The following PTCD3 variants were observed in gnomAD, a reference collection of about 807,000 sequenced individuals.
The protein encoded by PTCD3 is small ribosomal subunit protein mS39.
In PTCD3, 89 loss-of-function variants were observed where a neutral mutation model predicts 101.9. That is an observed-to-expected ratio of 0.87 (90% CI 0.74 to 1.04). The LOEUF (loss-of-function observed/expected upper bound fraction) is 1.04, where lower values mean the gene tolerates loss of function less well. Among genes scored for constraint, PTCD3 ranks in the 50% least tolerant of loss-of-function variants. The probability of loss-of-function intolerance (pLI) is 0.00; values close to 1 mark genes in which losing one functional copy is unlikely to be tolerated. For synonymous variants in PTCD3, 296 were observed against 278.5 expected (o/e 1.06, Z -0.63); for missense variants, 870 against 828.2 (o/e 1.05, Z -0.62).
At chr2:86,121,799 A>C (rs1391882882) in intron 8 of PTCD3, among the ~76,000 whole-genome samples, 1 of 152,248 alleles carries the variant, frequency 6.6e-6, no homozygotes, top group Non-Finnish European at 1.5e-5. Flanking sequence ...ACTTTTTAAC[A>C]ATATGTTGTC....
At chr2:86,109,134 G>C (rs935380971) in intron 3 of PTCD3, among the ~76,000 whole-genome samples, 1 of 152,184 alleles carries the variant, frequency 6.6e-6, no homozygotes, top group Non-Finnish European at 1.5e-5. Flanking sequence ...CGCCAGGCGC[G>C]GTGGCTTACG....
chr2:86,110,411 C>G (rs1674055784), intron 3 of PTCD3, among the ~76,000 whole-genome samples: 1 of 152,120 alleles, frequency 6.6e-6, no homozygotes, highest in South Asian at 2.1e-4. Context: ...TAGAAAAATA[C>G]TCTTGGTATA....
In PTCD3 at chr2:86,140,723, G is replaced by C. The variant is rs546050627; in HGVS notation, c.*3164G>C. 1 of 152,116 alleles carries C rather than the reference G, an allele frequency of 6.6e-6. No individual in the cohort carries two copies. The highest frequency in any genetic ancestry group is 1.9e-4 in the East Asian group (1 of 5,174). 9.4% of individuals were successfully genotyped at this position (152,116 alleles called of 1,614,324 possible). A position where few individuals can be genotyped will look rare whatever the true frequency, so the allele number is the denominator to read the frequency against. On this transcript the variant is annotated 3_prime_UTR_variant, in exon 24 of 24. Coordinates refer to ENST00000254630, the MANE Select transcript of PTCD3 (RefSeq NM_017952.6). ...AATTTGCTAGGACATGGGATAATCAGATTACACAAAATCTAGGCAGTGAAC... is the reference window on the plus strand; with the variant it reads ...AATTTGCTAGGACATGGGATAATCACATTACACAAAATCTAGGCAGTGAAC...
chr2:86,134,833 T>G lies in PTCD3; in HGVS notation c.1630-6T>G, dbSNP rs781665801. On this transcript the variant is annotated splice_region_variant and splice_polypyrimidine_tract_variant and intron_variant, in intron 20 of 23. Coordinates refer to ENST00000254630, the MANE Select transcript of PTCD3 (RefSeq NM_017952.6). ...AGGCAGTTCTGCTGACTCCTAAGCT[T>G]CTCAGCTTCAGGTGGCATTTGCTGA... 2 of 1,613,986 alleles carry G rather than the reference T, an allele frequency of 1.2e-6. No homozygotes were observed. The highest frequency in any genetic ancestry group is 3.3e-5 in the Admixed American group (2 of 60,022).
rs747843763 is a variant in PTCD3 at position 86,121,942 on chromosome 2, G to A, written c.654+348G>A. ...CCTGGGCCCCCTCAAAAATTCATAC[G>A]TGGACTTAGAGGAGAGAACACACTA... On this transcript the variant is annotated intron_variant, in intron 8 of 23. Coordinates refer to ENST00000254630, the MANE Select transcript of PTCD3 (RefSeq NM_017952.6). Among the ~76,000 whole-genome samples, 12 of 152,284 alleles carry A rather than the reference G, an allele frequency of 7.9e-5. No homozygotes were observed. The East Asian group carries it at 1.2e-3, about 15-fold the overall frequency.
intron 7 of PTCD3, among the ~76,000 whole-genome samples, chr2:86,119,822 C>A (rs936356333): frequency 6.6e-6 from 1 of 152,194 alleles, no homozygotes; most frequent in Non-Finnish European, 1.5e-5. Flanking sequence ...CTCAAAACTT[C>A]TAGCTCTAAA....
intron 1 of PTCD3, chr2:86,107,017 C>T (rs774556231): frequency 1.9e-5 from 8 of 417,100 alleles, no homozygotes; most frequent in Middle Eastern, 7.0e-4. Flanking sequence ...GACAGATTTC[C>T]TCATCTGCAG....
At position 86,134,359 on chromosome 2, in the gene PTCD3, G is replaced by T. The variant is rs778977632; in HGVS notation, c.1611G>T (p.Arg537Ser). 6.2e-7 allele frequency: 1 copy of T among 1,612,872 alleles called. No individual in the cohort carries two copies. Among genetic ancestry groups the T allele is most frequent in the East Asian group, 2.2e-5 (1 of 44,876 alleles). ...AAGAGATCCTGATGCTCATGGCAAG[G>T]GACAAGCACCCACCAGAGGTAGGCC... The part of the protein sequence containing the change: ...LREEILMLMA[R>S]DKHPPELQVA... Residue 537 changes from arginine (R) to serine (S), a missense_variant, in exon 20 of 24, where the codon AGG (arginine) becomes AGT (serine). Arg to Ser is a moderately radical substitution (Grantham distance 110). Coordinates refer to ENST00000254630, the MANE Select transcript of PTCD3 (RefSeq NM_017952.6).
chr2:86,111,065 G>A (rs372823595), intron 3 of PTCD3, 48 bp from the exon 4 acceptor site: 12 of 1,536,392 alleles, frequency 7.8e-6, no homozygotes, highest in Non-Finnish European at 1.1e-5. Flanking sequence ...TTCGGTTTGT[G>A]GCTATGAAGA....
chr2:86,134,665 A>G (rs946398239), intron 20 of PTCD3, among the ~76,000 whole-genome samples, 174 bp from the exon 21 acceptor site: 3 of 152,254 alleles, frequency 2.0e-5, no homozygotes, highest in African/African-American at 7.2e-5. Context: ...GTTGTGGCTA[A>G]TCAAAATACT....
In PTCD3 at chr2:86,134,278, T is replaced by G; in HGVS notation, c.1544-14T>G. 1 of 1,580,732 alleles carries G rather than the reference T, an allele frequency of 6.3e-7. No individual in the cohort carries two copies. The highest frequency in any genetic ancestry group is 8.7e-7 in the Non-Finnish European group (1 of 1,150,328). The stretch of plus-strand genomic sequence containing the variant: ...CATAACAATGATCACTCCTTGTTCC[T>G]TTCTTGTTTCAAGATAGTAAAGAAT... On this transcript the variant is annotated splice_polypyrimidine_tract_variant and intron_variant, in intron 19 of 23. Transcript: ENST00000254630.
At chr2:86,106,755 A>G (rs1462775439) in intron 1 of PTCD3, among the ~76,000 whole-genome samples, 1 of 152,228 alleles carries the variant, frequency 6.6e-6, no homozygotes, top group Non-Finnish European at 1.5e-5. Context: ...TCTGGTCGCC[A>G]CCGTGGGGAC....
rs1344106722 is a variant in PTCD3 at position 86,119,138 on chromosome 2, C to T, written c.538+94C>T. 8.8e-6 allele frequency: 13 copies of T among 1,469,342 alleles called. No individual in the cohort carries two copies. In the African/African-American group the frequency reaches 1.4e-4, roughly 16 times the overall value. 91.0% of individuals were successfully genotyped at this position (1,469,342 alleles called of 1,614,324 possible). On this transcript the variant is annotated intron_variant, in intron 7 of 23. Coordinates refer to ENST00000254630, the MANE Select transcript of PTCD3 (RefSeq NM_017952.6). Reference sequence around the variant, plus strand: ...TATATTTTGAGTAAGAGTTACAGGTCCTGCTGTACTTACTCTGCTTTGATG... The same window carrying T: ...TATATTTTGAGTAAGAGTTACAGGTTCTGCTGTACTTACTCTGCTTTGATG...
At chr2:86,119,190 T>C in intron 7 of PTCD3, 146 bp downstream of exon 7, 4 of 1,027,734 alleles carry the variant, frequency 3.9e-6, no homozygotes, top group Non-Finnish European at 5.5e-6. Flanking sequence ...TTTTAGTAGT[T>C]TATTTCATTT....
Position 86,139,118 on chromosome 2 carries a change from CAT to C in PTCD3, c.*1561_*1562del, listed in dbSNP as rs1373038903. ...ACTCTGAGCAATTAACTGCCTTGAA[CAT>C]AGAGAAAAATTAAGGCCTCACAGGA... On this transcript the variant is annotated 3_prime_UTR_variant, in exon 24 of 24. Transcript: ENST00000254630. 2.0e-5 allele frequency: 3 copies of C among 152,208 alleles called. No individual in the cohort carries two copies. Among genetic ancestry groups the C allele is most frequent in the Non-Finnish European group, 4.4e-5 (3 of 68,050 alleles). The allele number at this position is 152,208 out of a possible 1,614,324, so 9.4% of individuals were successfully genotyped here. A position where few individuals can be genotyped will look rare whatever the true frequency, so the allele number is the denominator to read the frequency against.
intron 21 of PTCD3, 33 bp from the exon 22 acceptor site, chr2:86,136,488 T>C (rs753094888): frequency 5.1e-6 from 8 of 1,578,988 alleles, no homozygotes; most frequent in Non-Finnish European, 7.0e-6. Flanking sequence ...GTTTTTCTAA[T>C]AGTATTCATA....
chr2:86,132,293 A>G (rs531447793), intron 16 of PTCD3, 25 bp from the exon 17 acceptor site: 1 of 1,402,736 alleles, frequency 7.1e-7, no homozygotes, highest in East Asian at 2.3e-5. Flanking sequence ...TATCAGAGTG[A>G]TACTTACTAC....
intron 4 of PTCD3, among the ~76,000 whole-genome samples, chr2:86,112,868 C>G (rs752260061): frequency 6.6e-6 from 1 of 151,946 alleles, no homozygotes; most frequent in Non-Finnish European, 1.5e-5. Flanking sequence ...GATCTTTAAT[C>G]CCTGGAAGGG....
Position 86,112,846 on chromosome 2 carries a change from T to C in PTCD3, c.240+1688T>C, listed in dbSNP as rs529242510. Among the ~76,000 whole-genome samples the C allele has an allele frequency of 2.6e-5, 4 of 152,316 alleles. No homozygotes were observed. In the East Asian group the frequency reaches 5.8e-4, roughly 22 times the overall value. On this transcript the variant is annotated intron_variant, in intron 4 of 23. Transcript: ENST00000254630. ...TTTATCTCGAAATGCAGTGTTTTTC[T>C]ACCATACCAGTGATCTTTAATCCCT...
Sources: gnomAD v4.1 joint callset for allele counts (sites outside exome capture counted in the v4.1 genomes callset) on GRCh38, gnomAD v4.1.1 for gene constraint, MANE v1.5 for transcripts, NCBI Gene and HGNC (gene_info 2026-07-23, HGNC 2026-07-21) for gene names.